Variants in MGST1 observed in about 807,000 individuals in gnomAD.
MGST1 encodes the protein glutathione S-transferase 12.
A neutral mutation model predicts 8.9 loss-of-function variants in MGST1; 5 were observed. The observed-to-expected ratio is 0.56, with a 90% CI of 0.29 to 1.19. The LOEUF is 1.19. MGST1 is among the 50% of genes most tolerant of loss of function. The pLI is 0.08. For missense variants in MGST1, 182 were observed against 187.4 expected (o/e 0.97, Z 0.17); for synonymous variants, 54 against 67.8 (o/e 0.80, Z 1.00).
intron 4 of MGST1, among the ~76,000 whole-genome samples, chr12:16,528,854 A>G (rs1820907779): frequency 6.6e-6 from 1 of 152,072 alleles, no homozygotes; most frequent in South Asian, 2.1e-4. Context: ...CCTGGCTAGA[A>G]GGGTGAATGC....
At chr12:16,394,437 CCTCT>C (rs950777081) in intron 1 of MGST1, among the ~76,000 whole-genome samples, 12 of 148,464 alleles carry the variant, frequency 8.1e-5, no homozygotes, top group African/African-American at 2.5e-4. Context: ...TCCCTCCCTC[CCTCT>C]CTCTTTCTTT....
intron 4 of MGST1, among the ~76,000 whole-genome samples, chr12:16,515,203 C>CAG (rs1338523235): frequency 6.6e-6 from 1 of 152,134 alleles, no homozygotes; most frequent in Non-Finnish European, 1.5e-5. Flanking sequence ...GGAAAATATG[C>CAG]AGATTCCTGT....
rs149483337 is a variant in MGST1, at chr12:16,576,157, C to T, written n.483-13371C>T. Among the ~76,000 whole-genome samples, 2 of 152,282 alleles carry T rather than the reference C, an allele frequency of 1.3e-5. No individual in the cohort carries two copies. Among genetic ancestry groups the T allele is most frequent in the African/African-American group, 2.4e-5 (1 of 41,560 alleles). ...CACCAGCCTGCCCTGCCCTGCTGTCCGCCTTCCACTCTGCAGCCGGTAGCC... is the reference window on the plus strand; with the variant it reads ...CACCAGCCTGCCCTGCCCTGCTGTCTGCCTTCCACTCTGCAGCCGGTAGCC... On this transcript the variant is annotated intron_variant and non_coding_transcript_variant, in intron 4 of 4. Transcript: ENST00000538857. This position sits in a 1 kb window ranked among gnomAD's most constrained non-coding sequence, Gnocchi z 4.1.
downstream of MGST1, among the ~76,000 whole-genome samples, chr12:16,592,777 A>G (rs1277589419): frequency 6.6e-6 from 1 of 151,954 alleles, no homozygotes; most frequent in Non-Finnish European, 1.5e-5. Flanking sequence ...ATGTCAAAAA[A>G]CACTATCCTA....
Position 16,361,082 on chromosome 12 carries a change from C to T in MGST1, c.222-2713C>T, listed in dbSNP as rs529433693. Among the ~76,000 whole-genome samples the T allele has an allele frequency of 6.8e-6, 1 of 147,158 alleles. No homozygotes were observed. Among genetic ancestry groups the T allele is most frequent in the African/African-American group, 2.5e-5 (1 of 39,314 alleles). On this transcript the variant is annotated intron_variant, in intron 3 of 3. Coordinates refer to ENST00000396210, the MANE Select transcript of MGST1 (RefSeq NM_020300.5). This position sits in a 1 kb window ranked among gnomAD's most constrained non-coding sequence, Gnocchi z 4.2. Reference sequence around the variant, plus strand: ...CCATGGAATATTTCATAAAGGAAGACCTTGAAGAGTATTAGGATTTGAAAG... The same window carrying T: ...CCATGGAATATTTCATAAAGGAAGATCTTGAAGAGTATTAGGATTTGAAAG...
intron 4 of MGST1, among the ~76,000 whole-genome samples, chr12:16,508,018 G>A (rs116546577): frequency 0.015 from 2,301 of 152,176 alleles, 68 homozygotes; most frequent in African/African-American, 0.052. Context: ...TTTTTCATAT[G>A]TGTGTGTATG....
chr12:16,426,778 C>G (rs896826908), intron 1 of MGST1, among the ~76,000 whole-genome samples: 1 of 151,886 alleles, frequency 6.6e-6, no homozygotes, highest in Non-Finnish European at 1.5e-5. Flanking sequence ...AGTGAAACCC[C>G]ATCTCTACTA....
Position 16,363,931 on chromosome 12 carries a change from G to A in MGST1, c.358G>A (p.Ala120Thr). Residue 120 changes from alanine to threonine, a missense_variant, in exon 4 of 4, where the codon GCA becomes ACA. Coordinates refer to ENST00000396210, the MANE Select transcript of MGST1 (RefSeq NM_020300.5). The surrounding 1 kb of genome is among the most constrained non-coding windows in gnomAD (Gnocchi z 4.6). Reference protein sequence around the residue: ...FVGARIYHTIAYLTPLPQPNR... With the variant: ...FVGARIYHTITYLTPLPQPNR... Reference sequence around the variant, plus strand: ...CGGAGCACGGATCTACCACACCATTGCATATTTGACACCCCTTCCCCAGCC... The same window carrying A: ...CGGAGCACGGATCTACCACACCATTACATATTTGACACCCCTTCCCCAGCC... 6.2e-7 allele frequency: 1 copy of A among 1,613,838 alleles called. No individual in the cohort carries two copies. The highest frequency in any genetic ancestry group is 1.1e-5 in the South Asian group (1 of 91,070).
intron 1 of MGST1, chr12:16,402,502 C>T (rs560753775): frequency 3.1e-5 from 38 of 1,219,120 alleles, no homozygotes; most frequent in East Asian, 4.8e-5. Flanking sequence ...CCAGGAATCC[C>T]GCACTCTTAT....
At chr12:16,487,671 A>G (rs1327053350) in intron 4 of MGST1, among the ~76,000 whole-genome samples, 1 of 152,134 alleles carries the variant, frequency 6.6e-6, no homozygotes, top group Non-Finnish European at 1.5e-5. Context: ...TTTAAGAGAC[A>G]GAATCTTGCT....
intron 4 of MGST1, among the ~76,000 whole-genome samples, chr12:16,451,431 T>C (rs1272626997): frequency 6.6e-6 from 1 of 151,928 alleles, no homozygotes; most frequent in East Asian, 1.9e-4. Context: ...GCATTACATA[T>C]TTCAAAATAA....
chr12:16,418,060 C>T (rs1349596330), intron 1 of MGST1, among the ~76,000 whole-genome samples: 1 of 152,046 alleles, frequency 6.6e-6, no homozygotes, highest in Non-Finnish European at 1.5e-5. Flanking sequence ...GCTGACTGCA[C>T]ATACATCTCT....
intron 4 of MGST1, among the ~76,000 whole-genome samples, chr12:16,492,429 C>T (rs1268938906): frequency 6.6e-6 from 1 of 152,114 alleles, no homozygotes; most frequent in Non-Finnish European, 1.5e-5. Context: ...CAGCCAATTG[C>T]CGTCTGACCT....
rs574678767 is a variant in MGST1, at chr12:16,589,361, T to G, written n.483-167T>G. 6.6e-5 allele frequency among the ~76,000 whole-genome samples: 10 copies of G among 152,240 alleles called. No homozygotes were observed. Among genetic ancestry groups the G allele is most frequent in the African/African-American group, 2.4e-4 (10 of 41,562 alleles). On this transcript the variant is annotated intron_variant and non_coding_transcript_variant, in intron 4 of 4. Coordinates refer to the MGST1 transcript ENST00000538857. This position sits in a 1 kb window ranked among gnomAD's most constrained non-coding sequence, Gnocchi z 4.2. ...ACATGATGAGACATTTAAAATATAC[T>G]GTACATATTACTATGAGTGCAGTAT...
intron 1 of MGST1, among the ~76,000 whole-genome samples, chr12:16,404,233 T>A (rs570950150): frequency 1.2e-3 from 185 of 152,324 alleles, no homozygotes; most frequent in African/African-American, 4.2e-3. Context: ...TAGTCTATCT[T>A]GTATAATATT....
Position 16,389,261 on chromosome 12 carries a change from T to C in MGST1, n.778+5657T>C, listed in dbSNP as rs1397403875. Among the ~76,000 whole-genome samples the C allele has an allele frequency of 2.6e-5, 4 of 152,230 alleles. No individual in the cohort carries two copies. The highest frequency in any genetic ancestry group is 2.6e-4 in the Admixed American group (4 of 15,286). On this transcript the variant is annotated intron_variant and non_coding_transcript_variant, in intron 1 of 1. Transcript: ENST00000359720. This position sits in a 1 kb window ranked among gnomAD's most constrained non-coding sequence, Gnocchi z 4.6. Reference sequence around the variant, plus strand: ...GAAAAGAAATAGTTTGTTTACTCGATGCATCAACAGTTTGTATCTCAACAG... The same window carrying C: ...GAAAAGAAATAGTTTGTTTACTCGACGCATCAACAGTTTGTATCTCAACAG...
In MGST1 at chr12:16,485,796, A is replaced by G. The variant is rs182308501; in HGVS notation, n.482+102192A>G. Reference sequence around the variant, plus strand: ...GAGATCTGTAGTCCCAAGTACTTACATTAGTCAAAAGGAAAATCTAAAAAT... The same window carrying G: ...GAGATCTGTAGTCCCAAGTACTTACGTTAGTCAAAAGGAAAATCTAAAAAT... On this transcript the variant is annotated intron_variant and non_coding_transcript_variant, in intron 4 of 4. Transcript: ENST00000538857. Among the ~76,000 whole-genome samples the G allele has an allele frequency of 1.6e-4, 24 of 152,368 alleles. No homozygotes were observed. In the East Asian group the frequency reaches 4.4e-3, roughly 28 times the overall value.
rs982474726 is a variant in MGST1 at position 16,537,300 on chromosome 12, G to A, written n.483-52228G>A. ...GCAAGAGGTAGGTTCCCATAGTCTT[G>A]GGCAACTCCACCCCTATGGCTTTGC... On this transcript the variant is annotated intron_variant and non_coding_transcript_variant, in intron 4 of 4. Coordinates refer to the MGST1 transcript ENST00000538857. This position sits in a 1 kb window ranked among gnomAD's most constrained non-coding sequence, Gnocchi z 4.6. 3.9e-5 allele frequency among the ~76,000 whole-genome samples: 6 copies of A among 152,170 alleles called. No individual in the cohort carries two copies. The highest frequency in any genetic ancestry group is 1.4e-4 in the African/African-American group (6 of 41,440).
In MGST1 at chr12:16,517,288, A is replaced by C. The variant is rs1305483360; in HGVS notation, n.483-72240A>C. ...ATTTAACTCCCAATGCAATAGTGTC[A>C]AGAGGTGGAAGCTTTAAAAGGTGAT... On this transcript the variant is annotated intron_variant and non_coding_transcript_variant, in intron 4 of 4. Coordinates refer to the MGST1 transcript ENST00000538857. The surrounding 1 kb of genome is among the most constrained non-coding windows in gnomAD (Gnocchi z 4.2). Among the ~76,000 whole-genome samples the C allele has an allele frequency of 6.6e-6, 1 of 152,216 alleles. No homozygotes were observed. Among genetic ancestry groups the C allele is most frequent in the Non-Finnish European group, 1.5e-5 (1 of 68,038 alleles).
Sources: gnomAD v4.1 joint callset for allele counts (sites outside exome capture counted in the v4.1 genomes callset) on GRCh38, gnomAD v4.1.1 for gene constraint, Gnocchi (gnomAD v3.1) non-coding constraint, MANE v1.5 for transcripts, NCBI Gene and HGNC (gene_info 2026-07-23, HGNC 2026-07-21) for gene names.